TATDN1: variants seen among roughly 807,000 people sequenced by gnomAD.
TATDN1 encodes the protein deoxyribonuclease TATDN1.
A neutral mutation model predicts 46.4 loss-of-function variants in TATDN1; 40 were observed. The ratio of observed to expected loss-of-function variants is 0.86; its 90% confidence interval spans 0.67 to 1.12. The LOEUF (loss-of-function observed/expected upper bound fraction) is 1.12, where lower values mean the gene tolerates loss of function less well. Among genes scored for constraint, TATDN1 ranks in the 50% most tolerant of loss-of-function variants. The pLI is 0.00. For synonymous variants in TATDN1, 95 were observed against 105.6 expected (o/e 0.90, Z 0.62); for missense variants, 326 against 348.4 (o/e 0.94, Z 0.51).
intron 9 of TATDN1, among the ~76,000 whole-genome samples, chr8:124,500,435 G>A (rs528349780): frequency 5.3e-5 from 8 of 152,128 alleles, no homozygotes; most frequent in South Asian, 2.1e-4. Context: ...AGCCAGGTAC[G>A]GTGGCTCATG....
At chr8:124,506,900 T>C (rs1214806306) in intron 8 of TATDN1, among the ~76,000 whole-genome samples, 1 of 152,106 alleles carries the variant, frequency 6.6e-6, no homozygotes, top group Non-Finnish European at 1.5e-5. Context: ...AGGTGGCTCA[T>C]GCCTGTAATC....
intron 1 of TATDN1, chr8:124,523,251 A>G: frequency 2.2e-6 from 1 of 453,060 alleles, no homozygotes; most frequent in East Asian, 4.2e-5. Flanking sequence ...ATTATGAAAT[A>G]TTAGAAGTAA....
intron 4 of TATDN1, among the ~76,000 whole-genome samples, chr8:124,516,808 A>C (rs924642636): frequency 1.3e-5 from 2 of 152,220 alleles, no homozygotes; most frequent in Admixed American, 1.3e-4. Flanking sequence ...AATGAGGTTC[A>C]CTTATTCGGA....
At chr8:124,496,461 C>CAT (rs1817476954) in intron 9 of TATDN1, among the ~76,000 whole-genome samples, 2 of 152,216 alleles carry the variant, frequency 1.3e-5, no homozygotes, top group South Asian at 4.1e-4. Flanking sequence ...TGAATAGTTT[C>CAT]ACGGTCTTAA....
intron 3 of TATDN1, among the ~76,000 whole-genome samples, chr8:124,521,075 T>C (rs1392559713): frequency 6.6e-6 from 1 of 152,120 alleles, no homozygotes; most frequent in Non-Finnish European, 1.5e-5. Flanking sequence ...TATTTAGCCT[T>C]CATAACAACT....
intron 9 of TATDN1, among the ~76,000 whole-genome samples, chr8:124,498,736 T>C (rs1328275700): frequency 2.6e-5 from 4 of 152,026 alleles, no homozygotes; most frequent in Non-Finnish European, 5.9e-5. Context: ...CTGCATCCTC[T>C]GCCTCCCGGG....
At chr8:124,496,204 T>C (rs1205456253) in intron 9 of TATDN1, among the ~76,000 whole-genome samples, 3 of 151,944 alleles carry the variant, frequency 2.0e-5, no homozygotes, top group African/African-American at 7.3e-5. Flanking sequence ...CACAAATTTA[T>C]TTTAAATTAC....
rs567065016 is a variant in TATDN1 at position 124,524,633 on chromosome 8, A to G, written c.23-1631T>C. 6.6e-5 allele frequency among the ~76,000 whole-genome samples: 10 copies of G among 152,330 alleles called. No individual in the cohort carries two copies. The South Asian group carries it at 2.1e-3, about 32-fold the overall frequency. ...TGCAGTGTTAAGCAAACAATTATTC[A>G]TAACACTTGTCAAAGACTCTGAGGA... On this transcript the variant is annotated intron_variant, in intron 1 of 11. Coordinates refer to ENST00000276692, the MANE Select transcript of TATDN1 (RefSeq NM_032026.4).
intron 3 of TATDN1, chr8:124,521,760 T>C (rs1820067547): frequency 6.4e-6 from 1 of 156,880 alleles, no homozygotes; most frequent in Non-Finnish European, 1.4e-5. Context: ...ATTATTTAAA[T>C]GGTATGCCCA....
intron 1 of TATDN1, among the ~76,000 whole-genome samples, chr8:124,526,169 C>A (rs930030651): frequency 6.6e-6 from 1 of 152,120 alleles, no homozygotes; most frequent in African/African-American, 2.4e-5. Context: ...TTTTTGTAAC[C>A]GCGCCCCACC....
chr8:124,496,013 A>C (rs1817439808), intron 9 of TATDN1, among the ~76,000 whole-genome samples: 1 of 152,358 alleles, frequency 6.6e-6, no homozygotes, highest in South Asian at 2.1e-4. Context: ...GTTGGCCTCA[A>C]GACTTGCTAT....
At chr8:124,492,218 G>A (rs1023106035) in intron 11 of TATDN1, among the ~76,000 whole-genome samples, 4 of 151,982 alleles carry the variant, frequency 2.6e-5, no homozygotes, top group Admixed American at 6.5e-5. Context: ...CAGGTGATCC[G>A]CCTGCCTTGG....
In TATDN1 at chr8:124,503,961, CAT is replaced by C. The variant is rs375662978; in HGVS notation, c.593+308_593+309del. On this transcript the variant is annotated intron_variant, in intron 9 of 11. Coordinates refer to ENST00000276692, the MANE Select transcript of TATDN1 (RefSeq NM_032026.4). ...ATATGTATACATAATGCTGTGAACACATGTTTTCAAGGGATCAAATGACCTGA... is the reference window on the plus strand; with the variant it reads ...ATATGTATACATAATGCTGTGAACACGTTTTCAAGGGATCAAATGACCTGA... 1,444 of 1,313,198 alleles carry C rather than the reference CAT, an allele frequency of 1.1e-3. 12 individuals carry two copies. The African/African-American group carries it at 0.017, about 15-fold the overall frequency. 81.3% of individuals were successfully genotyped at this position (1,313,198 alleles called of 1,614,324 possible).
Position 124,495,487 on chromosome 8 carries a change from A to T in TATDN1, c.649T>A (p.Leu217Ile), listed in dbSNP as rs759722734. The change falls in exon 10 of 12, where the codon TTA (leucine) becomes ATA (isoleucine). Residue 217 changes from leucine (L) to isoleucine (I), a missense_variant. Leu to Ile is a conservative substitution (Grantham distance 5). Coordinates refer to ENST00000276692, the MANE Select transcript of TATDN1 (RefSeq NM_032026.4). ...ACAAACTTACCTGTCTCAATCATTA[A>T]TTTTTCACTAGGAATTGACTTCAAA... ...EVLKSIPSEK[L>I]MIETDAPWCG... The T allele has an allele frequency of 3.7e-6, 6 of 1,608,224 alleles. No individual in the cohort carries two copies. The Admixed American group carries it at 5.1e-5, about 14-fold the overall frequency.
chr8:124,518,870 T>C lies in TATDN1; in HGVS notation c.150A>G (p.Thr50=). 6.2e-7 allele frequency: 1 copy of C among 1,608,860 alleles called. No homozygotes were observed. The highest frequency in any genetic ancestry group is 8.5e-7 in the Non-Finnish European group (1 of 1,176,110). The change falls in exon 4 of 12, where the codon ACA becomes ACG. Residue 50 remains threonine, a synonymous_variant. Coordinates refer to ENST00000276692, the MANE Select transcript of TATDN1 (RefSeq NM_032026.4). The part of the protein sequence containing the change: ...VEIGVKKFMI[T]GGNLQDSKDA... ...CTTTACTGTCTTGTAGATTTCCACC[T>C]GTAATCATAAACTGAAATAGAAAGA...
chr8:124,526,522 G>A (rs1400232953), intron 1 of TATDN1: 1 of 152,188 alleles, frequency 6.6e-6, no homozygotes, highest in African/African-American at 2.4e-5. Flanking sequence ...ACAAAAACAA[G>A]GCAAAGTGGA....
rs977599232 is a variant in TATDN1, at chr8:124,539,014, G to C, written c.22+11C>G. 1 of 1,614,122 alleles carries C rather than the reference G, an allele frequency of 6.2e-7. No individual in the cohort carries two copies. The highest frequency in any genetic ancestry group is 1.3e-5 in the African/African-American group (1 of 75,042). The stretch of plus-strand genomic sequence containing the variant: ...AGAAAGACCCAAGGGCGTGGAAAAC[G>C]CTCCTCTTACCGATAAACTTGAAGC... On this transcript the variant is annotated intron_variant, in intron 1 of 11. Coordinates refer to ENST00000276692, the MANE Select transcript of TATDN1 (RefSeq NM_032026.4).
At chr8:124,503,569 C>T (rs891881955) in intron 9 of TATDN1, among the ~76,000 whole-genome samples, 1 of 152,052 alleles carries the variant, frequency 6.6e-6, no homozygotes, top group African/African-American at 2.4e-5. Context: ...AAAAATAATG[C>T]AATTGGAAAC....
intron 11 of TATDN1, among the ~76,000 whole-genome samples, chr8:124,490,445 G>C (rs1301676674): frequency 6.6e-6 from 1 of 152,086 alleles, no homozygotes; most frequent in Admixed American, 6.6e-5. Context: ...GGGAGGTGGA[G>C]GTTGCAGTGA....
Sources: allele counts gnomAD v4.1 joint callset (sites outside exome capture counted in the v4.1 genomes callset), GRCh38; gene constraint gnomAD v4.1.1; transcripts MANE v1.5; gene names NCBI Gene and HGNC (gene_info 2026-07-23, HGNC 2026-07-21).